PRIM1: variants seen among roughly 807,000 people sequenced by gnomAD.
PRIM1 encodes the protein DNA primase subunit 1.
A neutral mutation model predicts 60.2 loss-of-function variants in PRIM1; 38 were observed. The observed-to-expected ratio is 0.63, with a 90% CI of 0.49 to 0.83. PRIM1 has a LOEUF of 0.83. Among genes scored for constraint, PRIM1 ranks in the 40% least tolerant of loss-of-function variants. The pLI, the probability that PRIM1 is intolerant of heterozygous loss-of-function variation, is 0.00. For synonymous variants in PRIM1, 158 were observed against 160.2 expected (o/e 0.99, Z 0.10); for missense variants, 388 against 506.2 (o/e 0.77, Z 2.24).
chr12:56,748,347 G>T (rs2137868439), intron 2 of PRIM1, among the ~76,000 whole-genome samples: 1 of 152,278 alleles, frequency 6.6e-6, no homozygotes, highest in South Asian at 2.1e-4. Context: ...TCTGAACAGG[G>T]CTGGGCGCAG....
chr12:56,746,343 T>C (rs1565906775), intron 4 of PRIM1, 162 bp from the exon 5 acceptor site: 4 of 940,046 alleles, frequency 4.3e-6, no homozygotes, highest in African/African-American at 1.6e-5. Context: ...TAAAAAACTA[T>C]TTTATTAGGC....
chr12:56,741,113 C>G (rs1481206752), intron 9 of PRIM1, among the ~76,000 whole-genome samples: 2 of 152,136 alleles, frequency 1.3e-5, no homozygotes, highest in African/African-American at 2.4e-5. Context: ...CACATACAGT[C>G]ACACACAATT....
intron 11 of PRIM1, among the ~76,000 whole-genome samples, chr12:56,734,778 T>A (rs10628775): frequency 1.9e-4 from 27 of 140,284 alleles, no homozygotes; most frequent in African/African-American, 5.1e-4. Context: ...TCTTTTATAT[T>A]TATATATATA....
chr12:56,734,668 G>C (rs928725204), intron 11 of PRIM1, among the ~76,000 whole-genome samples: 2 of 150,106 alleles, frequency 1.3e-5, no homozygotes, highest in African/African-American at 4.9e-5. Flanking sequence ...CTCGGCCTCT[G>C]AAAGTGCTGG....
At chr12:56,742,893 G>GTA in intron 7 of PRIM1, 94 bp downstream of exon 7, 1 of 893,332 alleles carries the variant, frequency 1.1e-6, no homozygotes, top group Non-Finnish European at 1.7e-6. Flanking sequence ...AAACTTATAA[G>GTA]TATATGAGAA....
intron 11 of PRIM1, among the ~76,000 whole-genome samples, chr12:56,735,163 C>T (rs1475922266): frequency 6.7e-6 from 1 of 150,210 alleles, no homozygotes; most frequent in African/African-American, 2.5e-5. Flanking sequence ...TGCAGTGGTG[C>T]AATCTTGGCT....
Position 56,741,807 on chromosome 12 carries a change from T to C in PRIM1, c.779A>G (p.Gln260Arg). ...ACGCTGAAGTGAATTGTGAGACTTT[T>C]GGAAGCTTTGTTGAAGTTCATCATG... ...TIHDELQQSF[Q>R]KSHNSLQRWE... The change falls in exon 8 of 13, where the codon CAA (glutamine) becomes CGA (arginine). Residue 260 changes from glutamine to arginine, a missense_variant. Around this residue, in one of 3 missense-constraint regions of PRIM1, gnomAD observed 211 missense variants for 277.9 expected, o/e 0.76. Transcript: ENST00000338193. 2 of 1,614,040 alleles carry C rather than the reference T, an allele frequency of 1.2e-6. No individual in the cohort carries two copies. The highest frequency in any genetic ancestry group is 1.7e-6 in the Non-Finnish European group (2 of 1,179,888).
chr12:56,738,224 A>G (rs1953847154), intron 11 of PRIM1, among the ~76,000 whole-genome samples: 1 of 152,254 alleles, frequency 6.6e-6, no homozygotes, highest in South Asian at 2.1e-4. Context: ...TCCTAGCATT[A>G]AAAGTTACTT....
chr12:56,741,121 A>G (rs548702208), intron 9 of PRIM1, among the ~76,000 whole-genome samples: 4 of 149,822 alleles, frequency 2.7e-5, no homozygotes, highest in Admixed American at 6.7e-5. Context: ...GTCACACACA[A>G]TTTTTTTTTT....
rs1953855691 is a variant in PRIM1 at position 56,739,339 on chromosome 12, AAATC to A, written c.1003_1006del (p.Asp335CysfsTer15). The A allele has an allele frequency of 6.3e-7, 1 of 1,582,432 alleles. No homozygotes were observed. Among genetic ancestry groups the A allele is most frequent in the Non-Finnish European group, 8.6e-7 (1 of 1,159,446 alleles). On this transcript the variant is annotated frameshift_variant, in exon 10 of 13. Transcript: ENST00000338193. LOFTEE classifies it high-confidence loss of function. The stretch of plus-strand genomic sequence containing the variant: ...TGGATCAAACTGGTCCACTTTCTGC[AAATC>A]AATAGGCACAGATATGCGACCTGTA...
At chr12:56,732,813 C>T (rs1215479031) in intron 12 of PRIM1, among the ~76,000 whole-genome samples, 1 of 151,854 alleles carries the variant, frequency 6.6e-6, no homozygotes, top group Non-Finnish European at 1.5e-5. Context: ...TGTGGAAATC[C>T]TTCTCATACC....
chr12:56,742,898 T>C, intron 7 of PRIM1, 89 bp downstream of exon 7: 2 of 948,896 alleles, frequency 2.1e-6, no homozygotes, highest in Non-Finnish European at 3.1e-6. Context: ...TATAAGTATA[T>C]GAGAACTTAC....
intron 5 of PRIM1, among the ~76,000 whole-genome samples, chr12:56,745,406 G>A (rs1247137472): frequency 6.6e-6 from 1 of 150,866 alleles, no homozygotes; most frequent in Admixed American, 6.6e-5. Flanking sequence ...GTGAGACCGT[G>A]TCTCAAAACA....
chr12:56,741,383 C>T (rs986864943), intron 9 of PRIM1, 52 bp downstream of exon 9: 1 of 1,546,736 alleles, frequency 6.5e-7, no homozygotes, highest in Non-Finnish European at 8.8e-7. Context: ...CTTACTAAAG[C>T]CAATAGCAAC....
rs770274423 is a variant in PRIM1, at chr12:56,746,057, C to T, written c.567G>A (p.Leu189=). 1 of 1,607,466 alleles carries T rather than the reference C, an allele frequency of 6.2e-7. No individual in the cohort carries two copies. Among genetic ancestry groups the T allele is most frequent in the Admixed American group, 1.7e-5 (1 of 58,090 alleles). ...SAVRSGIVEY[L]SLVKGGQDVK... Reference sequence around the variant, plus strand: ...AAGAGGATCTTACCTTTACAAGGCTCAAATACTCAACTATCCCAGAACGTA... The same window carrying T: ...AAGAGGATCTTACCTTTACAAGGCTTAAATACTCAACTATCCCAGAACGTA... Residue 189 remains leucine, a synonymous_variant, in exon 5 of 13, where the codon TTG becomes TTA. Transcript: ENST00000338193.
chr12:56,742,226 C>T (rs1953877532), intron 7 of PRIM1: 1 of 251,306 alleles, frequency 4.0e-6, no homozygotes, highest in African/African-American at 2.3e-5. Flanking sequence ...GTGCTACAGC[C>T]TGGGCAACAG....
chr12:56,739,178 T>C (rs1490210514), intron 10 of PRIM1, 116 bp downstream of exon 10: 3 of 724,202 alleles, frequency 4.1e-6, no homozygotes, highest in Non-Finnish European at 6.1e-6. Context: ...TTATTTGGTT[T>C]CCATAACCAA....
At chr12:56,751,329 G>A in intron 1 of PRIM1, 134 bp from the exon 2 acceptor site, 4 of 596,608 alleles carry the variant, frequency 6.7e-6, no homozygotes, top group Non-Finnish European at 1.1e-5. Flanking sequence ...GCCCAGACTG[G>A]AGTGCAGTGG....
chr12:56,747,974 A>T (rs575545366), intron 2 of PRIM1, among the ~76,000 whole-genome samples: 1 of 152,116 alleles, frequency 6.6e-6, no homozygotes, highest in Non-Finnish European at 1.5e-5. Flanking sequence ...GATGAAAAAC[A>T]GGAAGATTTT....
Sources: gnomAD v4.1 joint callset for allele counts (sites outside exome capture counted in the v4.1 genomes callset) on GRCh38, gnomAD v4.1.1 for gene constraint, gnomAD v4.1.1 regional missense constraint, MANE v1.5 for transcripts, NCBI Gene and HGNC (gene_info 2026-07-23, HGNC 2026-07-21) for gene names.